MTRF1: variants seen among roughly 807,000 people sequenced by gnomAD.
MTRF1 encodes peptide chain release factor 1, mitochondrial.
A neutral mutation model predicts 62.9 loss-of-function variants in MTRF1; 51 were observed. The observed-to-expected ratio is 0.81, with a 90% CI of 0.65 to 1.02. MTRF1 has a LOEUF of 1.02. Ranked by LOEUF, MTRF1 falls within the 50% of genes least tolerant of loss-of-function variation. MTRF1 has a pLI of 0.00. For synonymous variants in MTRF1, 158 were observed against 181.9 expected (o/e 0.87, Z 1.06); for missense variants, 446 against 530.0 (o/e 0.84, Z 1.56).
intron 5 of MTRF1, among the ~76,000 whole-genome samples, chr13:41,252,068 C>T (rs2039131721): frequency 6.6e-6 from 1 of 152,022 alleles, no homozygotes; most frequent in Admixed American, 6.6e-5. Context: ...TTAGTACAGT[C>T]AGGGTTTTGC....
At chr13:41,273,115 AG>A in the MTRF1 span, among the ~76,000 whole-genome samples, 1 of 152,046 alleles carries the variant, frequency 6.6e-6, no homozygotes, top group Non-Finnish European at 1.5e-5. Flanking sequence ...TCACGAGGTC[AG>A]GAGATCGAGA....
the MTRF1 span, among the ~76,000 whole-genome samples, chr13:41,308,138 T>C: frequency 6.6e-6 from 1 of 152,144 alleles, no homozygotes; most frequent in South Asian, 2.1e-4. Context: ...TGAATGAGGG[T>C]GATGATTTAG....
At chr13:41,264,513 C>A (rs976639477), upstream of MTRF1, among the ~76,000 whole-genome samples, 15 of 152,268 alleles carry the variant, frequency 9.9e-5, no homozygotes, top group African/African-American at 3.1e-4. Flanking sequence ...AAAAAATGTA[C>A]CATATTACTG....
rs1005257119 is a variant in MTRF1, at chr13:41,258,587, A to C, written c.415+1906T>G. Among the ~76,000 whole-genome samples, 83 of 144,376 alleles carry C rather than the reference A, an allele frequency of 5.7e-4. 1 individual carries two copies. In the Middle Eastern group the frequency reaches 0.01, roughly 18 times the overall value. 94.7% of individuals were successfully genotyped at this position (144,376 alleles called of 152,430 possible). A position where few individuals can be genotyped will look rare whatever the true frequency, so the allele number is the denominator to read the frequency against. On this transcript the variant is annotated intron_variant, in intron 2 of 9. Transcript: ENST00000379480. Reference sequence around the variant, plus strand: ...TTAAAAAAAAAAACAAAAAAAAAAAACATAAAAAATAAATACACCATATAC... The same window carrying C: ...TTAAAAAAAAAAACAAAAAAAAAAACCATAAAAAATAAATACACCATATAC...
chr13:41,293,057 C>G, the MTRF1 span, among the ~76,000 whole-genome samples: 1 of 152,116 alleles, frequency 6.6e-6, no homozygotes, highest in Non-Finnish European at 1.5e-5. Context: ...CCAATTTAGT[C>G]AGAAATATAA....
At chr13:41,285,319 T>C in the MTRF1 span, among the ~76,000 whole-genome samples, 4 of 152,220 alleles carry the variant, frequency 2.6e-5, no homozygotes, top group Non-Finnish European at 5.9e-5. Flanking sequence ...CGTGTCTTCC[T>C]GGGTTGATCT....
At chr13:41,271,914 A>T in the MTRF1 span, among the ~76,000 whole-genome samples, 1 of 152,184 alleles carries the variant, frequency 6.6e-6, no homozygotes, top group Non-Finnish European at 1.5e-5. Context: ...GACCCTTTAG[A>T]AAGCAGCTCT....
chr13:41,242,871 C>G (rs911915569), intron 5 of MTRF1, among the ~76,000 whole-genome samples: 1 of 152,020 alleles, frequency 6.6e-6, no homozygotes, highest in African/African-American at 2.4e-5. Flanking sequence ...ACAGCGGGAG[C>G]CCAGGAGTTC....
chr13:41,244,956 C>T (rs535170456), intron 5 of MTRF1, among the ~76,000 whole-genome samples: 3 of 152,312 alleles, frequency 2.0e-5, no homozygotes, highest in Admixed American at 1.3e-4. Context: ...CAATAAATAA[C>T]AAATATAGTA....
chr13:41,275,357 T>C, the MTRF1 span, among the ~76,000 whole-genome samples: 1 of 152,044 alleles, frequency 6.6e-6, no homozygotes, highest in African/African-American at 2.4e-5. Context: ...CCCGCCACCA[T>C]GCCCGGCTAA....
chr13:41,264,955 A>G (rs1028226793), upstream of MTRF1, among the ~76,000 whole-genome samples: 1 of 152,224 alleles, frequency 6.6e-6, no homozygotes, highest in African/African-American at 2.4e-5. Flanking sequence ...AATGAACAGA[A>G]AAGACAAAAA....
At chr13:41,311,403 A>G in the MTRF1 span, 1 of 888,436 alleles carries the variant, frequency 1.1e-6, no homozygotes, top group South Asian at 1.6e-5. Context: ...ACTGTAGACC[A>G]ATGAACTAAT....
chr13:41,309,670 C>CT, the MTRF1 span, among the ~76,000 whole-genome samples: 1 of 152,082 alleles, frequency 6.6e-6, no homozygotes, highest in Non-Finnish European at 1.5e-5. Flanking sequence ...TCCTATGATT[C>CT]TTTCATGTCC....
Position 41,230,934 on chromosome 13 carries a change from A to G in MTRF1, c.988+2956T>C, listed in dbSNP as rs976760828. Among the ~76,000 whole-genome samples, 3 of 151,890 alleles carry G rather than the reference A, an allele frequency of 2.0e-5. No individual in the cohort carries two copies. The East Asian group carries it at 5.9e-4, about 30-fold the overall frequency. On this transcript the variant is annotated intron_variant, in intron 7 of 9. Transcript: ENST00000379480. ...GAGACAGGGTTTCACCATTTTGGCC[A>G]GGCTAGTCTCAAACTCCTGACCCTC...
At chr13:41,284,730 T>C in the MTRF1 span, among the ~76,000 whole-genome samples, 1 of 152,162 alleles carries the variant, frequency 6.6e-6, no homozygotes, top group African/African-American at 2.4e-5. Context: ...ATCAACTCAC[T>C]GCAACCTCTG....
intron 9 of MTRF1, among the ~76,000 whole-genome samples, chr13:41,219,158 G>T (rs1385758334): frequency 6.7e-6 from 1 of 148,958 alleles, no homozygotes; most frequent in Non-Finnish European, 1.5e-5. Context: ...AGGCGTGGTG[G>T]TGTGTGCCTG....
At chr13:41,300,906 G>A in the MTRF1 span, among the ~76,000 whole-genome samples, 5 of 152,136 alleles carry the variant, frequency 3.3e-5, no homozygotes, top group Non-Finnish European at 7.3e-5. Context: ...CTGGGTGCAG[G>A]GGGCATGACT....
At chr13:41,311,167 C>T in the MTRF1 span, 2 of 377,146 alleles carry the variant, frequency 5.3e-6, no homozygotes, top group South Asian at 6.6e-5. Flanking sequence ...CGCGGTTGGT[C>T]CCCGCTACGC....
chr13:41,247,865 T>G (rs924360626), intron 5 of MTRF1, among the ~76,000 whole-genome samples: 3 of 152,158 alleles, frequency 2.0e-5, no homozygotes, highest in Non-Finnish European at 4.4e-5. Flanking sequence ...GGGCCCACTG[T>G]GAGATGGGCA....
Sources: allele counts gnomAD v4.1 joint callset (sites outside exome capture counted in the v4.1 genomes callset), GRCh38; gene constraint gnomAD v4.1.1; transcripts MANE v1.5; gene names NCBI Gene and HGNC (gene_info 2026-07-23, HGNC 2026-07-21).